Variants in CAPS2 observed in about 807,000 individuals in gnomAD.
CAPS2 encodes the protein calcyphosine 2.
CAPS2 carries 98 observed loss-of-function variants against 86.5 expected under a neutral mutation model. The ratio of observed to expected loss-of-function variants is 1.13; its 90% confidence interval spans 0.96 to 1.34. CAPS2 has a LOEUF of 1.34. CAPS2 is among the 40% of genes most tolerant of loss of function. The pLI, the probability that CAPS2 is intolerant of heterozygous loss-of-function variation, is 0.00. For missense variants in CAPS2, 729 were observed against 686.8 expected, an observed-to-expected ratio of 1.06 and a Z score of -0.69; for synonymous variants, 210 against 225.1, an observed-to-expected ratio of 0.93 and a Z score of 0.60.
intron 7 of CAPS2, among the ~76,000 whole-genome samples, chr12:75,311,356 A>C (rs1178258965): frequency 2.6e-5 from 4 of 152,194 alleles, no homozygotes; most frequent in African/African-American, 9.6e-5. Context: ...AGAGAAAGAA[A>C]GGGATCAAAA....
intron 7 of CAPS2, among the ~76,000 whole-genome samples, chr12:75,309,011 AG>A (rs2138739975): frequency 6.6e-6 from 1 of 152,262 alleles, no homozygotes; most frequent in African/African-American, 2.4e-5. Context: ...ATTAAAAAGA[AG>A]TATGCTTAAA....
intron 1 of CAPS2, among the ~76,000 whole-genome samples, chr12:75,340,092 T>A (rs904886348): frequency 5.3e-5 from 8 of 151,700 alleles, no homozygotes; most frequent in African/African-American, 1.9e-4. Flanking sequence ...TGTTCCTTTT[T>A]ATGGCTGAGT....
At chr12:75,287,462 C>T (rs934001481) in intron 14 of CAPS2, among the ~76,000 whole-genome samples, 5 of 152,080 alleles carry the variant, frequency 3.3e-5, no homozygotes, top group Admixed American at 6.6e-5. Flanking sequence ...GGCATTCCTT[C>T]CTGGGTTTCC....
intron 11 of CAPS2, among the ~76,000 whole-genome samples, chr12:75,297,191 T>C (rs571943851): frequency 6.6e-6 from 1 of 152,334 alleles, no homozygotes; most frequent in Admixed American, 6.5e-5. Context: ...GAATAAATCA[T>C]AAACTACACT....
At chr12:75,357,027 A>AC (rs1418861085) in intron 1 of CAPS2, among the ~76,000 whole-genome samples, 1 of 152,056 alleles carries the variant, frequency 6.6e-6, no homozygotes, top group East Asian at 1.9e-4. Flanking sequence ...TCTATAGAAA[A>AC]ATTAAAAAAA....
chr12:75,282,299 T>C (rs757463074), exon 16 of CAPS2: 1 of 1,608,654 alleles, frequency 6.2e-7, no homozygotes, highest in South Asian at 1.1e-5. Context: ...TTTCTTATGT[T>C]TATAATAGGC....
chr12:75,339,597 A>G (rs1170253687), intron 1 of CAPS2, among the ~76,000 whole-genome samples: 2 of 151,662 alleles, frequency 1.3e-5, no homozygotes, highest in Admixed American at 1.3e-4. Flanking sequence ...TTAATTAGAT[A>G]CCATTTGTCC....
intron 6 of CAPS2, among the ~76,000 whole-genome samples, chr12:75,313,529 A>G (rs1230192360): frequency 6.6e-6 from 1 of 152,228 alleles, no homozygotes; most frequent in Non-Finnish European, 1.5e-5. Context: ...CACTTTTCCA[A>G]TTCCTCTTAA....
chr12:75,390,155 T>C (rs994388040), intron 1 of CAPS2, among the ~76,000 whole-genome samples: 5 of 152,224 alleles, frequency 3.3e-5, no homozygotes, highest in Non-Finnish European at 7.3e-5. Flanking sequence ...AAACTAATAC[T>C]TGCTTTTTTT....
chr12:75,341,747 CTTTTTTTTTTTTT>C (rs1185408752), intron 1 of CAPS2, among the ~76,000 whole-genome samples: 4 of 83,418 alleles, frequency 4.8e-5, no homozygotes, highest in Non-Finnish European at 6.7e-5. Context: ...CGCCCGGCCT[CTTTTTTTTTTTTT>C]TTTTTTTTTT....
chr12:75,385,512 T>C (rs2045245031), intron 1 of CAPS2, among the ~76,000 whole-genome samples: 1 of 152,184 alleles, frequency 6.6e-6, no homozygotes, highest in African/African-American at 2.4e-5. Context: ...GCATACTTAA[T>C]GATGAGAAAC....
intron 14 of CAPS2, among the ~76,000 whole-genome samples, chr12:75,288,225 A>C (rs1403916865): frequency 6.6e-6 from 1 of 152,200 alleles, no homozygotes; most frequent in Non-Finnish European, 1.5e-5. Context: ...GATGATCCCT[A>C]GTATGTATCA....
chr12:75,293,568 T>C (rs1165030938), intron 11 of CAPS2, among the ~76,000 whole-genome samples: 1 of 152,218 alleles, frequency 6.6e-6, no homozygotes, highest in Non-Finnish European at 1.5e-5. Flanking sequence ...AGAAGTCTTC[T>C]ATTTAACAAT....
chr12:75,321,565 T>C lies in CAPS2; in HGVS notation c.303A>G (p.Ile101Met), dbSNP rs767599943. The change falls in exon 5 of 17, where the codon ATA becomes ATG. Residue 101 changes from isoleucine (I) to methionine (M), a missense_variant. Coordinates refer to ENST00000393284, the Ensembl canonical transcript of CAPS2. ...TTGGTGCTGGCAAATTTTCAGGTAT[T>C]ATGTTCTGATCCTATAGGTAAAAAG... 5.2e-6 allele frequency: 8 copies of C among 1,545,376 alleles called. No individual in the cohort carries two copies. In the South Asian group the frequency reaches 8.3e-5, roughly 16 times the overall value.
intron 1 of CAPS2, among the ~76,000 whole-genome samples, chr12:75,354,153 G>A (rs1173697635): frequency 2.7e-5 from 3 of 109,558 alleles, no homozygotes; most frequent in Non-Finnish European, 3.8e-5. Context: ...AGCAATCAGG[G>A]AAGAGAAAAA....
At chr12:75,294,282 G>A (rs542861635) in intron 11 of CAPS2, among the ~76,000 whole-genome samples, 4 of 152,138 alleles carry the variant, frequency 2.6e-5, no homozygotes, top group Non-Finnish European at 5.9e-5. Context: ...AATTCTGCCT[G>A]TTGAATATAA....
chr12:75,291,567 GTATATATATATATATATATA>G lies in CAPS2; in HGVS notation c.1240+157_1240+176del, dbSNP rs66622366. Among the ~76,000 whole-genome samples, 82 of 27,704 alleles carry G rather than the reference GTATATATATATATATATATA, an allele frequency of 3.0e-3. 3 individuals are homozygous for G. The highest frequency in any genetic ancestry group is 0.05 in the Middle Eastern group (1 of 20). The allele number at this position is 27,704 out of a possible 152,430, so 18.2% of individuals were successfully genotyped here. ...ATATATATATAGCTTATTTTTAAAA[GTATATATATATATATATATA>G]TATATATATATATATATATATATAT... On this transcript the variant is annotated intron_variant, in intron 13 of 16. Coordinates refer to ENST00000393284, the Ensembl canonical transcript of CAPS2.
intron 1 of CAPS2, among the ~76,000 whole-genome samples, chr12:75,382,339 C>A (rs1417012628): frequency 2.0e-5 from 3 of 152,074 alleles, no homozygotes; most frequent in African/African-American, 7.2e-5. Flanking sequence ...AGTATTATTT[C>A]CTTAAAATTT....
chr12:75,292,770 A>T (rs995875160), intron 12 of CAPS2, among the ~76,000 whole-genome samples: 8 of 149,178 alleles, frequency 5.4e-5, no homozygotes, highest in East Asian at 1.9e-4. Context: ...TCCTGTTATT[A>T]AAAAAATTCA....
Sources: gnomAD v4.1 joint callset for allele counts (sites outside exome capture counted in the v4.1 genomes callset) on GRCh38, gnomAD v4.1.1 for gene constraint, MANE v1.5 for transcripts, NCBI Gene and HGNC (gene_info 2026-07-23, HGNC 2026-07-21) for gene names.